DYNC2H1: variants seen among roughly 807,000 people sequenced by gnomAD.
DYNC2H1 encodes the protein cytoplasmic dynein 2 heavy chain 1.
In DYNC2H1, 410 loss-of-function variants were observed where a neutral mutation model predicts 570.0. The observed-to-expected ratio is 0.72, with a 90% confidence interval of 0.66 to 0.78. The LOEUF is 0.78. Among genes scored for constraint, DYNC2H1 ranks in the 30% least tolerant of loss-of-function variants. The pLI is 0.00. For synonymous variants in DYNC2H1, 1,688 were observed against 1,677.6 expected, an observed-to-expected ratio of 1.01 and a Z score of -0.15; for missense variants, 4,865 against 5,046.4, an observed-to-expected ratio of 0.96 and a Z score of 1.09.
intron 54 of DYNC2H1, 144 bp from the exon 55 acceptor site, chr11:103,215,577 T>C (rs1863345898): frequency 1.5e-6 from 1 of 684,764 alleles, no homozygotes; most frequent in African/African-American, 1.8e-5. Flanking sequence ...TAATTAGCAA[T>C]AAGAAAAAAC....
At position 103,199,117 on chromosome 11, in the gene DYNC2H1, CT is replaced by C. The variant is rs1053849133; in HGVS notation, c.7840-104del. The C allele has an allele frequency of 5.5e-6, 4 of 728,476 alleles. No homozygotes were observed. The highest frequency in any genetic ancestry group is 8.1e-6 in the Non-Finnish European group (4 of 496,852). 45.1% of individuals were successfully genotyped at this position (728,476 alleles called of 1,614,324 possible). A position where few individuals can be genotyped will look rare whatever the true frequency, so the allele number is the denominator to read the frequency against. On this transcript the variant is annotated intron_variant, in intron 48 of 88. Transcript: ENST00000375735. This position sits in a 1 kb window ranked among gnomAD's most constrained non-coding sequence, Gnocchi z 4.6. ...TGTGAGATGATATGTAGTCACTTTA[CT>C]TTTTTTCTTGAATGTATCAAAAATA...
chr11:103,455,970 C>T (rs570396046), intron 86 of DYNC2H1, among the ~76,000 whole-genome samples: 1 of 152,122 alleles, frequency 6.6e-6, no homozygotes, highest in Admixed American at 6.5e-5. Flanking sequence ...TTCAGTTCAG[C>T]TAATAAACAT....
intron 55 of DYNC2H1, among the ~76,000 whole-genome samples, chr11:103,216,134 T>C (rs1190717234): frequency 2.0e-5 from 3 of 152,192 alleles, no homozygotes; most frequent in Admixed American, 2.0e-4. Context: ...TAACTGATTT[T>C]ATTTCTTATA....
Position 103,253,421 on chromosome 11 carries a change from TACA to T in DYNC2H1, c.10184_10186del (p.Thr3395del), listed in dbSNP as rs572595399. The T allele has an allele frequency of 2.3e-4, 369 of 1,613,006 alleles. No homozygotes were observed. The highest frequency in any genetic ancestry group is 3.0e-4 in the Non-Finnish European group (355 of 1,179,356). On this transcript the variant is annotated inframe_deletion, in exon 66 of 89. Coordinates refer to ENST00000375735, the MANE Select transcript of DYNC2H1 (RefSeq NM_001377.3). ...CCATTGTTACTGAGGTTAACTTTAC[TACA>T]ACAAGAAGTGGATTACGAGGGCAGG...
intron 87 of DYNC2H1, among the ~76,000 whole-genome samples, chr11:103,457,374 TAGGAG>T (rs1944823797): frequency 6.6e-6 from 1 of 152,120 alleles, no homozygotes; most frequent in African/African-American, 2.4e-5. Context: ...ATTGTAACCA[TAGGAG>T]ATGACAGCTT....
At chr11:103,155,859 A>C (rs1237477149) in intron 25 of DYNC2H1, among the ~76,000 whole-genome samples, 2 of 152,112 alleles carry the variant, frequency 1.3e-5, no homozygotes, top group African/African-American at 4.8e-5. Flanking sequence ...AAATTGTTTT[A>C]TTTCCTATCC....
intron 77 of DYNC2H1, 87 bp downstream of exon 77, chr11:103,304,807 A>C: frequency 8.0e-7 from 1 of 1,248,550 alleles, no homozygotes; most frequent in Non-Finnish European, 1.1e-6. Flanking sequence ...GTCATGCATT[A>C]TTTATGATGA....
chr11:103,399,304 G>A (rs1308964407), intron 83 of DYNC2H1, among the ~76,000 whole-genome samples: 3 of 134,002 alleles, frequency 2.2e-5, no homozygotes, highest in Non-Finnish European at 4.6e-5. Context: ...CACCATATTC[G>A]GCTAATTTTT....
chr11:103,142,722 A>G (rs1351498000), intron 17 of DYNC2H1, among the ~76,000 whole-genome samples: 3 of 152,172 alleles, frequency 2.0e-5, no homozygotes, highest in African/African-American at 7.2e-5. Context: ...TGTTGTGTCA[A>G]TTTGAATTCT....
intron 18 of DYNC2H1, 107 bp downstream of exon 18, chr11:103,143,502 C>A: frequency 9.0e-7 from 1 of 1,107,956 alleles, no homozygotes. Flanking sequence ...TTCTTGCCTC[C>A]TCCAGATCTC....
rs546917523 is a variant in DYNC2H1 at position 103,433,535 on chromosome 11, A to G, written c.12367-2408A>G. ...GGTTTCTCACAAGGCTCAGCTTCCA[A>G]GGTTACTCATGGGCTAGCTGTTAGT... On this transcript the variant is annotated intron_variant, in intron 84 of 88. Transcript: ENST00000375735. Among the ~76,000 whole-genome samples the G allele has an allele frequency of 1.1e-4, 17 of 152,246 alleles. No homozygotes were observed. In the East Asian group the frequency reaches 1.4e-3, roughly 12 times the overall value.
intron 68 of DYNC2H1, among the ~76,000 whole-genome samples, chr11:103,257,138 G>A (rs1434889459): frequency 3.3e-5 from 5 of 152,172 alleles, no homozygotes; most frequent in Admixed American, 2.6e-4. Context: ...GAGCTCTCAT[G>A]AGTGGGATTA....
At chr11:103,270,673 T>C (rs1865673846) in intron 70 of DYNC2H1, among the ~76,000 whole-genome samples, 1 of 152,040 alleles carries the variant, frequency 6.6e-6, no homozygotes, top group Non-Finnish European at 1.5e-5. Flanking sequence ...GGCTACTAAG[T>C]GATTAACGGA....
At position 103,269,637 on chromosome 11, in the gene DYNC2H1, G is replaced by A. The variant is rs367836025; in HGVS notation, c.10695+9660G>A. Among the ~76,000 whole-genome samples, 5 of 152,260 alleles carry A rather than the reference G, an allele frequency of 3.3e-5. No homozygotes were observed. The East Asian group carries it at 9.7e-4, about 29-fold the overall frequency. Reference sequence around the variant, plus strand: ...TAAACTAAAACACATAAAGAAAGCTGTCTAGACCTTTCAGTTTATATTATT... The same window carrying A: ...TAAACTAAAACACATAAAGAAAGCTATCTAGACCTTTCAGTTTATATTATT... On this transcript the variant is annotated intron_variant, in intron 70 of 88. Coordinates refer to ENST00000375735, the MANE Select transcript of DYNC2H1 (RefSeq NM_001377.3).
At chr11:103,432,696 AT>A (rs11305824) in intron 84 of DYNC2H1, among the ~76,000 whole-genome samples, 84,122 of 151,856 alleles carry the variant, frequency 0.55, 23,912 homozygotes, top group East Asian at 0.72. Context: ...AAAATGATGT[AT>A]AACATAACTA....
intron 52 of DYNC2H1, among the ~76,000 whole-genome samples, chr11:103,206,483 T>C (rs1862930662): frequency 6.6e-6 from 1 of 151,982 alleles, no homozygotes. Flanking sequence ...GAATGAATGA[T>C]ATCACCAAGA....
Position 103,200,026 on chromosome 11 carries a change from A to G in DYNC2H1, c.8089-20A>G, listed in dbSNP as rs1367815355. 29 of 1,539,198 alleles carry G rather than the reference A, an allele frequency of 1.9e-5. No individual in the cohort carries two copies. Among genetic ancestry groups the G allele is most frequent in the Non-Finnish European group, 2.5e-5 (28 of 1,133,400 alleles). On this transcript the variant is annotated intron_variant, in intron 49 of 88. Coordinates refer to ENST00000375735, the MANE Select transcript of DYNC2H1 (RefSeq NM_001377.3). Reference sequence around the variant, plus strand: ...CAAAAATACTTAAAGGGCACTAAAAAATATTTTCTGATTTTGCAGGTGCTG... The same window carrying G: ...CAAAAATACTTAAAGGGCACTAAAAGATATTTTCTGATTTTGCAGGTGCTG...
intron 18 of DYNC2H1, 49 bp downstream of exon 18, chr11:103,143,444 T>G (rs1427355025): frequency 4.6e-6 from 7 of 1,524,652 alleles, no homozygotes; most frequent in African/African-American, 1.4e-5. Context: ...TTTTTTGACA[T>G]GGACAGTAAG....
chr11:103,381,066 G>A (rs1334678908), intron 83 of DYNC2H1, among the ~76,000 whole-genome samples: 1 of 152,166 alleles, frequency 6.6e-6, no homozygotes, highest in Non-Finnish European at 1.5e-5. Flanking sequence ...GATATAAAAG[G>A]TTTGTGTTTT....
Sources: gnomAD v4.1 joint callset for allele counts (sites outside exome capture counted in the v4.1 genomes callset) on GRCh38, gnomAD v4.1.1 for gene constraint, Gnocchi (gnomAD v3.1) non-coding constraint, MANE v1.5 for transcripts, NCBI Gene and HGNC (gene_info 2026-07-23, HGNC 2026-07-21) for gene names.